The following DRC1 variants were observed in gnomAD, a reference collection of about 807,000 sequenced individuals.
The protein encoded by DRC1 is dynein regulatory complex protein 1.
A neutral mutation model predicts 98.7 loss-of-function variants in DRC1; 74 were observed. That is an observed-to-expected ratio of 0.75 (90% CI 0.62 to 0.91). DRC1 has a LOEUF of 0.91. Ranked by LOEUF, DRC1 falls within the 40% of genes least tolerant of loss-of-function variation. The pLI, the probability that DRC1 is intolerant of heterozygous loss-of-function variation, is 0.00. For missense variants in DRC1, 875 were observed against 886.0 expected (o/e 0.99, Z 0.16); for synonymous variants, 336 against 334.1 (o/e 1.01, Z -0.06).
rs199763027 is a variant in DRC1 at position 26,430,648 on chromosome 2, T to A, written c.679-138T>A. ...CATAGCCATTTGGTCTTATGAAACTTGGCAGGTCTGAATTTGGATTTGACT... is the reference window on the plus strand; with the variant it reads ...CATAGCCATTTGGTCTTATGAAACTAGGCAGGTCTGAATTTGGATTTGACT... On this transcript the variant is annotated intron_variant, in intron 5 of 16. Transcript: ENST00000288710. The A allele has an allele frequency of 7.2e-4, 621 of 861,064 alleles. 1 individual carries two copies. Among genetic ancestry groups the A allele is most frequent in the Admixed American group, 1.3e-3 (74 of 58,390 alleles). 53.3% of individuals were successfully genotyped at this position (861,064 alleles called of 1,614,324 possible).
intron 13 of DRC1, among the ~76,000 whole-genome samples, chr2:26,450,940 C>G (rs539933035): frequency 6.6e-6 from 1 of 150,772 alleles, no homozygotes; most frequent in Non-Finnish European, 1.5e-5. Flanking sequence ...CATGTGTTCT[C>G]ATTGTTCAAC....
At chr2:26,424,123 C>T in intron 3 of DRC1, 148 bp from the exon 4 acceptor site, 1 of 879,966 alleles carries the variant, frequency 1.1e-6, no homozygotes, top group South Asian at 1.6e-5. Flanking sequence ...AAAGATTTCT[C>T]AGCATTGAGT....
intron 8 of DRC1, among the ~76,000 whole-genome samples, chr2:26,441,990 A>G (rs1306364319): frequency 6.6e-6 from 1 of 152,334 alleles, no homozygotes; most frequent in East Asian, 1.9e-4. Flanking sequence ...TGGATAATTT[A>G]CAAAGGCAAA....
chr2:26,426,484 A>G (rs1423017783), intron 4 of DRC1, among the ~76,000 whole-genome samples: 5 of 151,268 alleles, frequency 3.3e-5, no homozygotes, highest in African/African-American at 1.2e-4. Flanking sequence ...CTTCTGCCTC[A>G]GCCTCCCGAG....
At chr2:26,436,148 A>C (rs1309170228) in intron 7 of DRC1, among the ~76,000 whole-genome samples, 1 of 149,204 alleles carries the variant, frequency 6.7e-6, no homozygotes. Flanking sequence ...TTCACTTTTT[A>C]ATAATAGCCA....
chr2:26,428,808 A>T (rs1365134639), intron 4 of DRC1, among the ~76,000 whole-genome samples: 1 of 152,148 alleles, frequency 6.6e-6, no homozygotes, highest in Non-Finnish European at 1.5e-5. Context: ...AAAAAAAAAA[A>T]ATACCGTATT....
chr2:26,444,180 C>T (rs1050722572), intron 8 of DRC1, 42 bp from the exon 9 acceptor site: 1 of 1,612,820 alleles, frequency 6.2e-7, no homozygotes, highest in Admixed American at 1.7e-5. Flanking sequence ...TACATAATAC[C>T]TTCTATTCAG....
intron 4 of DRC1, among the ~76,000 whole-genome samples, chr2:26,427,454 G>A (rs1236194324): frequency 6.6e-6 from 1 of 151,922 alleles, no homozygotes; most frequent in Non-Finnish European, 1.5e-5. Flanking sequence ...TTTATGGGTA[G>A]GTGTATATAT....
Position 26,456,686 on chromosome 2 carries a change from A to G in DRC1, c.*169A>G. The G allele has an allele frequency of 1.4e-6, 1 of 703,654 alleles. No individual in the cohort carries two copies. Among genetic ancestry groups the G allele is most frequent in the East Asian group, 2.7e-5 (1 of 36,696 alleles). 43.6% of individuals were successfully genotyped at this position (703,654 alleles called of 1,614,324 possible). On this transcript the variant is annotated 3_prime_UTR_variant, in exon 17 of 17. Transcript: ENST00000288710. ...GCCAGAGGAGTTACCTGTGTCCTGCATTATGATTAAAGCCTTTTAAAGTTG... is the reference window on the plus strand; with the variant it reads ...GCCAGAGGAGTTACCTGTGTCCTGCGTTATGATTAAAGCCTTTTAAAGTTG...
At chr2:26,433,652 A>C (rs926975715) in intron 7 of DRC1, among the ~76,000 whole-genome samples, 1 of 152,238 alleles carries the variant, frequency 6.6e-6, no homozygotes, top group African/African-American at 2.4e-5. Context: ...TCCAATGTCC[A>C]AATATTTGAG....
chr2:26,447,977 C>T (rs1333088701), intron 10 of DRC1, among the ~76,000 whole-genome samples: 1 of 151,522 alleles, frequency 6.6e-6, no homozygotes, highest in Non-Finnish European at 1.5e-5. Context: ...GTAATCTCAG[C>T]ACTTTGGGAG....
chr2:26,454,532 G>A lies in DRC1; in HGVS notation c.1920-115G>A, dbSNP rs1016905218. ...GAACCTGCCACCGTCTAATAAACTTGGACTGCTGAGTGGGAAGGTGACAGG... is the reference window on the plus strand; with the variant it reads ...GAACCTGCCACCGTCTAATAAACTTAGACTGCTGAGTGGGAAGGTGACAGG... On this transcript the variant is annotated intron_variant, in intron 14 of 16. Transcript: ENST00000288710. The surrounding 1 kb of genome is among the most constrained non-coding windows in gnomAD (Gnocchi z 5.2). 74 of 1,448,726 alleles carry A rather than the reference G, an allele frequency of 5.1e-5. No homozygotes were observed. In the East Asian group the frequency reaches 8.7e-4, roughly 17 times the overall value. 89.7% of individuals were successfully genotyped at this position (1,448,726 alleles called of 1,614,324 possible). A position where few individuals can be genotyped will look rare whatever the true frequency, so the allele number is the denominator to read the frequency against.
At chr2:26,403,354 G>A (rs1056500383) in intron 1 of DRC1, among the ~76,000 whole-genome samples, 6 of 152,044 alleles carry the variant, frequency 3.9e-5, no homozygotes, top group Non-Finnish European at 8.8e-5. Flanking sequence ...ATAAATTTAT[G>A]GTGACACGAG....
At position 26,408,096 on chromosome 2, in the gene DRC1, C is replaced by A. The variant is rs538627656; in HGVS notation, c.155+5952C>A. 1.2e-4 allele frequency among the ~76,000 whole-genome samples: 19 copies of A among 152,234 alleles called. No homozygotes were observed. In the South Asian group the frequency reaches 1.4e-3, roughly 12 times the overall value. ...GGTTGTGTCCTTTAGAAATAAAGTTCTCTTTTGATTTTGTGGATTCTGACT... is the reference window on the plus strand; with the variant it reads ...GGTTGTGTCCTTTAGAAATAAAGTTATCTTTTGATTTTGTGGATTCTGACT... On this transcript the variant is annotated intron_variant, in intron 1 of 16. Transcript: ENST00000288710.
intron 1 of DRC1, among the ~76,000 whole-genome samples, chr2:26,402,583 T>C (rs530434675): frequency 7.2e-5 from 11 of 152,324 alleles, no homozygotes; most frequent in Admixed American, 2.0e-4. Context: ...TGTGTCAGCC[T>C]GAATAATATT....
intron 3 of DRC1, among the ~76,000 whole-genome samples, chr2:26,422,291 G>A (rs1261166214): frequency 6.6e-6 from 1 of 152,186 alleles, no homozygotes; most frequent in Admixed American, 6.5e-5. Flanking sequence ...GGGCAGTCCT[G>A]GGTTTCAATT....
At position 26,418,593 on chromosome 2, in the gene DRC1, AATTTATATAATATATAAAT is replaced by A. The variant is rs1335724329; in HGVS notation, c.244-2694_244-2676del. Reference sequence around the variant, plus strand: ...TATATATTATATATAAATTATATATAATTTATATAATATATAAATTATATATAATATAAATTATATATAA... The same window carrying A: ...TATATATTATATATAAATTATATATATATATATAATATAAATTATATATAA... On this transcript the variant is annotated intron_variant, in intron 2 of 16. Transcript: ENST00000288710. Among the ~76,000 whole-genome samples, 34 of 97,758 alleles carry A rather than the reference AATTTATATAATATATAAAT, an allele frequency of 3.5e-4. 1 individual carries two copies. The highest frequency in any genetic ancestry group is 5.1e-4 in the Non-Finnish European group (28 of 54,994). The allele number at this position is 97,758 out of a possible 152,430, so 64.1% of individuals were successfully genotyped here. A position where few individuals can be genotyped will look rare whatever the true frequency, so the allele number is the denominator to read the frequency against.
At chr2:26,402,927 T>G (rs1235882293) in intron 1 of DRC1, among the ~76,000 whole-genome samples, 1 of 152,190 alleles carries the variant, frequency 6.6e-6, no homozygotes, top group Non-Finnish European at 1.5e-5. Context: ...AGTAAATATT[T>G]TAGGCTTTTC....
chr2:26,453,763 C>G lies in DRC1; in HGVS notation c.1919+214C>G, dbSNP rs543677883. On this transcript the variant is annotated intron_variant, in intron 14 of 16. Coordinates refer to ENST00000288710, the MANE Select transcript of DRC1 (RefSeq NM_145038.5). The stretch of plus-strand genomic sequence containing the variant: ...GGTGATCTGTGCTTTTTTCACTCAT[C>G]ATTCATTCAGCAGACATGCACTGAA... Among the ~76,000 whole-genome samples, 3 of 152,348 alleles carry G rather than the reference C, an allele frequency of 2.0e-5. No homozygotes were observed. The East Asian group carries it at 5.8e-4, about 29-fold the overall frequency.
Sources: allele counts gnomAD v4.1 joint callset (sites outside exome capture counted in the v4.1 genomes callset), GRCh38; gene constraint gnomAD v4.1.1; non-coding constraint Gnocchi (gnomAD v3.1); transcripts MANE v1.5; gene names NCBI Gene and HGNC (gene_info 2026-07-23, HGNC 2026-07-21).